Variants in TRDN observed in about 807,000 individuals in gnomAD.
The protein encoded by TRDN is triadin in skeletal muscle.
In TRDN, 161 loss-of-function variants were observed where a neutral mutation model predicts 149.7. That is an observed-to-expected ratio of 1.08 (90% CI 0.95 to 1.23). The LOEUF is 1.23. Ranked by LOEUF, TRDN falls within the 50% of genes most tolerant of loss-of-function variation. The pLI is 0.00. For missense variants in TRDN, 896 were observed against 823.5 expected (o/e 1.09, Z -1.08); for synonymous variants, 294 against 250.5 (o/e 1.17, Z -1.64).
At chr6:123,311,659 C>T (rs1031564134) in intron 24 of TRDN, among the ~76,000 whole-genome samples, 5 of 151,786 alleles carry the variant, frequency 3.3e-5, no homozygotes, top group Non-Finnish European at 5.9e-5. Context: ...AAACATGGTT[C>T]TTTATGGAAA....
intron 16 of TRDN, among the ~76,000 whole-genome samples, chr6:123,378,283 T>C (rs536180844): frequency 3.4e-4 from 52 of 152,182 alleles, no homozygotes; most frequent in African/African-American, 1.2e-3. Flanking sequence ...TTTTAAGAAA[T>C]TGCTTAGTTT....
At chr6:123,547,312 A>T (rs1457807827) in intron 4 of TRDN, 28 bp downstream of exon 4, 9 of 1,362,184 alleles carry the variant, frequency 6.6e-6, no homozygotes, top group Admixed American at 2.8e-5. Context: ...GAGAAAAATA[A>T]TTATTATCAA....
chr6:123,305,350 A>C (rs2114678326), intron 24 of TRDN, among the ~76,000 whole-genome samples: 1 of 152,116 alleles, frequency 6.6e-6, no homozygotes, highest in African/African-American at 2.4e-5. Flanking sequence ...GCTATAATAC[A>C]CCTGTTATTA....
intron 20 of TRDN, among the ~76,000 whole-genome samples, chr6:123,353,908 C>T (rs1780559380): frequency 6.6e-6 from 1 of 151,760 alleles, no homozygotes; most frequent in African/African-American, 2.4e-5. Context: ...GTAGATAAAT[C>T]TTACATAACA....
intron 1 of TRDN, among the ~76,000 whole-genome samples, chr6:123,625,763 C>T (rs889285569): frequency 4.6e-5 from 7 of 152,080 alleles, no homozygotes; most frequent in Non-Finnish European, 7.4e-5. Flanking sequence ...ATAAAAAATA[C>T]TTTATTGCTA....
chr6:123,387,388 T>C (rs1432206495), intron 14 of TRDN, among the ~76,000 whole-genome samples: 2 of 152,176 alleles, frequency 1.3e-5, no homozygotes, highest in East Asian at 1.9e-4. Flanking sequence ...TTATGATCGA[T>C]ACACTTCCCA....
intron 2 of TRDN, among the ~76,000 whole-genome samples, chr6:123,555,412 TG>T (rs1235367275): frequency 6.6e-6 from 1 of 152,166 alleles, no homozygotes; most frequent in Non-Finnish European, 1.5e-5. Flanking sequence ...ATTCAAAAAA[TG>T]TTTATTGCAA....
chr6:123,532,283 A>T (rs1780287335), intron 4 of TRDN, among the ~76,000 whole-genome samples: 1 of 152,090 alleles, frequency 6.6e-6, no homozygotes, highest in Non-Finnish European at 1.5e-5. Context: ...TGGGTGTGAT[A>T]GTTTTATTAT....
intron 12 of TRDN, among the ~76,000 whole-genome samples, chr6:123,422,503 C>G (rs1036949898): frequency 6.6e-6 from 1 of 152,070 alleles, no homozygotes; most frequent in African/African-American, 2.4e-5. Flanking sequence ...ATGATAATAC[C>G]CTTCATAACT....
intron 19 of TRDN, among the ~76,000 whole-genome samples, chr6:123,373,064 G>A (rs935265678): frequency 3.3e-5 from 5 of 152,060 alleles, no homozygotes; most frequent in African/African-American, 4.8e-5. Context: ...CTTTAGCATC[G>A]CACCAGTAAT....
In TRDN at chr6:123,543,477, T is replaced by C. The variant is rs762073633; in HGVS notation, c.424+3863A>G. On this transcript the variant is annotated intron_variant, in intron 4 of 40. Coordinates refer to ENST00000334268, the MANE Select transcript of TRDN (RefSeq NM_006073.4). ...CTGTATTAGTGATTAGCTAAGGATA[T>C]ACATTGTACCGTCGTGAATCTTAGA... is the stretch of plus-strand genomic sequence containing the variant. Among the ~76,000 whole-genome samples, 23 of 152,178 alleles carry C rather than the reference T, an allele frequency of 1.5e-4. 1 individual carries two copies. The highest frequency in any genetic ancestry group is 5.9e-5 in the Non-Finnish European group (4 of 68,014).
intron 1 of TRDN, among the ~76,000 whole-genome samples, chr6:123,597,646 A>G (rs1391817934): frequency 2.0e-5 from 3 of 152,066 alleles, no homozygotes; most frequent in African/African-American, 7.2e-5. Flanking sequence ...TTTAGCAACC[A>G]CCACCATGAT....
At chr6:123,581,250 T>A (rs1056979197) in intron 1 of TRDN, among the ~76,000 whole-genome samples, 3 of 152,262 alleles carry the variant, frequency 2.0e-5, no homozygotes, top group Admixed American at 1.3e-4. Context: ...TTACCTCAGA[T>A]GTCAACTCCT....
intron 12 of TRDN, among the ~76,000 whole-genome samples, chr6:123,406,589 G>A (rs144125111): frequency 1.7e-4 from 26 of 151,864 alleles, no homozygotes; most frequent in African/African-American, 5.8e-4. Context: ...TCATATGCAT[G>A]TATATAAAAT....
At chr6:123,586,129 T>G (rs1239246184) in intron 1 of TRDN, among the ~76,000 whole-genome samples, 1 of 152,078 alleles carries the variant, frequency 6.6e-6, no homozygotes, top group Admixed American at 6.6e-5. Context: ...TGCTCACTGA[T>G]TTGGGAGAGG....
At position 123,473,702 on chromosome 6, in the gene TRDN, G is replaced by A. The variant is rs1468697374; in HGVS notation, c.854-8719C>T. On this transcript the variant is annotated intron_variant, in intron 9 of 40. Transcript: ENST00000334268. ...TTAAGGGCAGCCAGAGAGAAAGGTC[G>A]GGTTACCCTCAAAGGGAAGCCCATC... Among the ~76,000 whole-genome samples the A allele has an allele frequency of 3.4e-3, 513 of 151,322 alleles. 2 individuals carry two copies. Among genetic ancestry groups the A allele is most frequent in the Non-Finnish European group, 6.2e-3 (422 of 67,824 alleles).
At chr6:123,260,735 T>A in intron 33 of TRDN, 97 bp from the exon 34 acceptor site, 1 of 995,994 alleles carries the variant, frequency 1.0e-6, no homozygotes, top group Admixed American at 3.4e-5. Flanking sequence ...TTGAAACTTA[T>A]CTTCTGATAT....
intron 4 of TRDN, among the ~76,000 whole-genome samples, chr6:123,541,064 G>A (rs957397644): frequency 1.6e-4 from 24 of 152,188 alleles, no homozygotes; most frequent in African/African-American, 5.5e-4. Flanking sequence ...CAGAACTGCA[G>A]AGAGAAGATT....
chr6:123,438,172 A>G, intron 11 of TRDN, 50 bp from the exon 12 acceptor site: 1 of 1,383,464 alleles, frequency 7.2e-7, no homozygotes, highest in Non-Finnish European at 9.9e-7. Flanking sequence ...TAACTTGCAA[A>G]TATTTCAGGG....
Sources: gnomAD v4.1 joint callset for allele counts (sites outside exome capture counted in the v4.1 genomes callset) on GRCh38, gnomAD v4.1.1 for gene constraint, MANE v1.5 for transcripts, NCBI Gene and HGNC (gene_info 2026-07-23, HGNC 2026-07-21) for gene names.